ANKS1B: variants seen among roughly 807,000 people sequenced by gnomAD.
The protein encoded by ANKS1B is ankyrin repeat and sterile alpha motif domain-containing protein 1B.
Under a neutral mutation model 148.3 loss-of-function variants are expected in ANKS1B, and 36 were observed. The observed-to-expected ratio is 0.24, with a 90% CI of 0.19 to 0.32. ANKS1B has a LOEUF of 0.32. ANKS1B is among the 10% of genes least tolerant of loss of function. ANKS1B has a pLI of 1.00. For synonymous variants in ANKS1B, 542 were observed against 560.8 expected, an observed-to-expected ratio of 0.97 and a Z score of 0.47; for missense variants, 1,157 against 1,542.6, an observed-to-expected ratio of 0.75 and a Z score of 4.19.
intron 12 of ANKS1B, among the ~76,000 whole-genome samples, chr12:99,319,690 T>C (rs901831876): frequency 1.3e-5 from 2 of 152,214 alleles, no homozygotes; most frequent in African/African-American, 2.4e-5. Flanking sequence ...AAAGTTAATA[T>C]TGTTATGTGT....
intron 1 of ANKS1B, among the ~76,000 whole-genome samples, chr12:99,875,393 T>C (rs2091955782): frequency 6.6e-6 from 1 of 151,898 alleles, no homozygotes; most frequent in African/African-American, 2.4e-5. Flanking sequence ...GAGTGCTTTA[T>C]CAAGCCACAA....
chr12:98,850,040 G>A (rs187162760), intron 17 of ANKS1B, among the ~76,000 whole-genome samples: 38 of 152,144 alleles, frequency 2.5e-4, no homozygotes, highest in Admixed American at 1.2e-3. Flanking sequence ...GATTACTTCC[G>A]TTTACCTGAT....
intron 17 of ANKS1B, among the ~76,000 whole-genome samples, chr12:98,916,607 C>T (rs1308945235): frequency 6.6e-6 from 1 of 152,180 alleles, no homozygotes; most frequent in Non-Finnish European, 1.5e-5. Context: ...TGAGAGCCAT[C>T]AGAGATGATA....
At chr12:98,739,536 T>C (rs1187130306), downstream of ANKS1B, among the ~76,000 whole-genome samples, 1 of 152,122 alleles carries the variant, frequency 6.6e-6, no homozygotes, top group Non-Finnish European at 1.5e-5. Flanking sequence ...TGCCTTCCCT[T>C]TGGGGAAGCC....
intron 8 of ANKS1B, among the ~76,000 whole-genome samples, chr12:99,724,896 C>T (rs1000305725): frequency 1.3e-5 from 2 of 152,110 alleles, no homozygotes; most frequent in South Asian, 4.2e-4. Context: ...ATTTCATATC[C>T]AGCCAAACTA....
rs375393429 is a variant in ANKS1B at position 99,875,053 on chromosome 12, G to T, written c.135-49664C>A. Reference sequence around the variant, plus strand: ...TTGGGGTAAAGAGGTAGACAGAGGGGGAGAGAGGCAGATGGAAGAATAAAG... The same window carrying T: ...TTGGGGTAAAGAGGTAGACAGAGGGTGAGAGAGGCAGATGGAAGAATAAAG... On this transcript the variant is annotated intron_variant, in intron 1 of 26. Coordinates refer to ENST00000683438, the MANE Select transcript of ANKS1B (RefSeq NM_001352186.2). Among the ~76,000 whole-genome samples, 34 of 152,214 alleles carry T rather than the reference G, an allele frequency of 2.2e-4. No individual in the cohort carries two copies. In the East Asian group the frequency reaches 5.4e-3, roughly 24 times the overall value.
intron 12 of ANKS1B, among the ~76,000 whole-genome samples, chr12:99,295,502 G>A (rs1327915941): frequency 6.6e-6 from 1 of 152,116 alleles, no homozygotes; most frequent in Non-Finnish European, 1.5e-5. Flanking sequence ...TCAGTGGTTT[G>A]TCATCACTGT....
At chr12:99,228,155 T>C (rs1245752925) in intron 14 of ANKS1B, among the ~76,000 whole-genome samples, 1 of 152,052 alleles carries the variant, frequency 6.6e-6, no homozygotes, top group Non-Finnish European at 1.5e-5. Flanking sequence ...AATGAGGAAA[T>C]TGAGGGTTAT....
At chr12:99,056,353 T>G (rs2040184700) in intron 16 of ANKS1B, among the ~76,000 whole-genome samples, 1 of 152,218 alleles carries the variant, frequency 6.6e-6, no homozygotes, top group Admixed American at 6.5e-5. Flanking sequence ...GTTACTGTGC[T>G]GCACAATAAT....
chr12:99,632,374 A>G, intron 9 of ANKS1B, among the ~76,000 whole-genome samples: 1 of 152,036 alleles, frequency 6.6e-6, no homozygotes, highest in East Asian at 1.9e-4. Context: ...TGCTAGAGCA[A>G]GAAAAAGTGG....
At chr12:99,570,429 C>T (rs561347294) in intron 9 of ANKS1B, among the ~76,000 whole-genome samples, 2 of 151,920 alleles carry the variant, frequency 1.3e-5, no homozygotes, top group Non-Finnish European at 2.9e-5. Context: ...AGGCAGATCA[C>T]GAGGTCAGGA....
chr12:99,585,412 CG>C (rs1345324137), intron 9 of ANKS1B, among the ~76,000 whole-genome samples: 1 of 152,180 alleles, frequency 6.6e-6, no homozygotes, highest in Non-Finnish European at 1.5e-5. Context: ...GCCCCCCTCC[CG>C]GCTACTTTCA....
chr12:99,242,481 T>C (rs1345151882), intron 14 of ANKS1B, among the ~76,000 whole-genome samples: 4 of 152,176 alleles, frequency 2.6e-5, no homozygotes, highest in Non-Finnish European at 2.9e-5. Flanking sequence ...AGGTAATTTA[T>C]AGATTCAATG....
chr12:99,854,089 G>A (rs867841076), intron 1 of ANKS1B, among the ~76,000 whole-genome samples: 16 of 152,306 alleles, frequency 1.1e-4, no homozygotes, highest in Non-Finnish European at 1.2e-4. Flanking sequence ...CGGCTCATGT[G>A]CAAGCTCCGC....
intron 26 of ANKS1B, among the ~76,000 whole-genome samples, chr12:98,747,638 A>G (rs952101293): frequency 6.6e-6 from 1 of 152,240 alleles, no homozygotes; most frequent in African/African-American, 2.4e-5. Flanking sequence ...CAGTATATCA[A>G]AGAGATATCT....
intron 11 of ANKS1B, among the ~76,000 whole-genome samples, chr12:99,417,719 G>C (rs1219504184): frequency 6.6e-6 from 1 of 151,848 alleles, no homozygotes; most frequent in African/African-American, 2.4e-5. Context: ...TTTTTCATCA[G>C]TGTTTTGTAG....
chr12:99,963,910 T>G (rs564151914), intron 1 of ANKS1B, among the ~76,000 whole-genome samples: 1 of 152,330 alleles, frequency 6.6e-6, no homozygotes, highest in Admixed American at 6.5e-5. Context: ...CTCTATCGAA[T>G]TCTGCAAACT....
intron 12 of ANKS1B, among the ~76,000 whole-genome samples, chr12:99,338,113 G>C (rs185492943): frequency 0.075 from 11,427 of 152,178 alleles, 1,015 homozygotes; most frequent in African/African-American, 0.21. Context: ...TTCCCTTCAG[G>C]GAGGTAAGCT....
chr12:99,469,211 G>A (rs1353402563), intron 10 of ANKS1B, among the ~76,000 whole-genome samples: 1 of 147,794 alleles, frequency 6.8e-6, no homozygotes, highest in Non-Finnish European at 1.5e-5. Context: ...AACACCACAT[G>A]TTCTCACTCA....
Sources: allele counts gnomAD v4.1 joint callset (sites outside exome capture counted in the v4.1 genomes callset), GRCh38; gene constraint gnomAD v4.1.1; transcripts MANE v1.5; gene names NCBI Gene and HGNC (gene_info 2026-07-23, HGNC 2026-07-21).